The following PPM1L variants were observed in gnomAD, a reference collection of about 807,000 sequenced individuals.
PPM1L encodes the protein protein phosphatase 1L.
In PPM1L, 13 loss-of-function variants were observed where a neutral mutation model predicts 31.4. That is an observed-to-expected ratio of 0.41 (90% confidence interval 0.27 to 0.66). The LOEUF is 0.66. PPM1L is among the 30% of genes least tolerant of loss of function. PPM1L has a pLI of 0.29. For synonymous variants in PPM1L, 184 were observed against 175.4 expected (o/e 1.05, Z -0.39); for missense variants, 326 against 453.7 (o/e 0.72, Z 2.56).
intron 1 of PPM1L, among the ~76,000 whole-genome samples, chr3:160,886,167 A>G (rs1270854212): frequency 1.3e-5 from 2 of 152,042 alleles, no homozygotes; most frequent in Non-Finnish European, 2.9e-5. Flanking sequence ...AGTAACTCCA[A>G]CAACTCCAGC....
At chr3:160,990,531 C>A (rs1717100435) in intron 2 of PPM1L, among the ~76,000 whole-genome samples, 1 of 152,124 alleles carries the variant, frequency 6.6e-6, no homozygotes, top group East Asian at 1.9e-4. Context: ...CACAGATGTA[C>A]AACAGCTGCA....
chr3:160,901,730 C>G (rs1713551448), intron 1 of PPM1L, among the ~76,000 whole-genome samples: 1 of 152,076 alleles, frequency 6.6e-6, no homozygotes, highest in Admixed American at 6.6e-5. Flanking sequence ...GGCAAAATGC[C>G]TTTTGTCATG....
chr3:161,033,816 G>A (rs1354077708), intron 2 of PPM1L, among the ~76,000 whole-genome samples: 1 of 152,072 alleles, frequency 6.6e-6, no homozygotes, highest in Non-Finnish European at 1.5e-5. Context: ...CAAAAGCAAT[G>A]GCAACAAAAG....
chr3:160,900,829 A>G (rs1713514268), intron 1 of PPM1L, among the ~76,000 whole-genome samples: 2 of 152,146 alleles, frequency 1.3e-5, no homozygotes, highest in South Asian at 2.1e-4. Flanking sequence ...AGAAAATGTA[A>G]ATGGGTGAAC....
chr3:161,037,273 C>G (rs1278336701), intron 2 of PPM1L, among the ~76,000 whole-genome samples: 1 of 152,122 alleles, frequency 6.6e-6, no homozygotes, highest in African/African-American at 2.4e-5. Context: ...TCTGGAATCA[C>G]ATGCTCAGGG....
chr3:160,919,952 C>T (rs1462323662), intron 1 of PPM1L, among the ~76,000 whole-genome samples: 1 of 152,100 alleles, frequency 6.6e-6, no homozygotes, highest in Non-Finnish European at 1.5e-5. Flanking sequence ...CCCCAGCTTT[C>T]TCCCCACAAT....
In PPM1L at chr3:160,943,973, A is replaced by G. The variant is rs556642340; in HGVS notation, c.400-17763A>G. The stretch of plus-strand genomic sequence containing the variant: ...TATATTGTAGATGGCAAAGTTTATA[A>G]TTTTTCTCATCTCTTTCCATAATGC... On this transcript the variant is annotated intron_variant, in intron 1 of 3. Coordinates refer to ENST00000498165, the MANE Select transcript of PPM1L (RefSeq NM_139245.4). Among the ~76,000 whole-genome samples, 16 of 152,206 alleles carry G rather than the reference A, an allele frequency of 1.1e-4. No individual in the cohort carries two copies. In the South Asian group the frequency reaches 2.1e-3, roughly 20 times the overall value.
chr3:160,759,936 A>G (rs1367754028), intron 1 of PPM1L, among the ~76,000 whole-genome samples: 1 of 152,172 alleles, frequency 6.6e-6, no homozygotes, highest in Non-Finnish European at 1.5e-5. Flanking sequence ...GTTGTATTAT[A>G]CCCTGTCTAG....
At chr3:160,842,108 T>C (rs1713899672) in intron 1 of PPM1L, 1 of 595,046 alleles carries the variant, frequency 1.7e-6, no homozygotes, top group Non-Finnish European at 3.0e-6. Context: ...GAATATTACA[T>C]AACCAATACA....
At chr3:160,824,336 C>A (rs1040099492) in intron 1 of PPM1L, among the ~76,000 whole-genome samples, 1 of 152,142 alleles carries the variant, frequency 6.6e-6, no homozygotes, top group African/African-American at 2.4e-5. Context: ...TATGAGAAAT[C>A]AATTTCTGTT....
At chr3:160,958,200 G>A (rs555896214) in intron 1 of PPM1L, among the ~76,000 whole-genome samples, 1 of 152,194 alleles carries the variant, frequency 6.6e-6, no homozygotes, top group East Asian at 1.9e-4. Flanking sequence ...TTTTGCAATT[G>A]CTTTTGGTGT....
At chr3:160,958,525 T>G (rs1401472396) in intron 1 of PPM1L, among the ~76,000 whole-genome samples, 2 of 152,204 alleles carry the variant, frequency 1.3e-5, no homozygotes, top group African/African-American at 4.8e-5. Flanking sequence ...CAAGGTAGTG[T>G]GAGTTTAAAA....
chr3:160,929,517 C>G (rs1185624536), intron 1 of PPM1L, among the ~76,000 whole-genome samples: 1 of 152,180 alleles, frequency 6.6e-6, no homozygotes, highest in Non-Finnish European at 1.5e-5. Flanking sequence ...CAGGAAAGTG[C>G]TTACTTGGCT....
At chr3:160,922,715 A>C (rs1714456303) in intron 1 of PPM1L, among the ~76,000 whole-genome samples, 1 of 152,246 alleles carries the variant, frequency 6.6e-6, no homozygotes, top group East Asian at 1.9e-4. Context: ...TTCCCACAGC[A>C]GTGAAAAGTA....
At chr3:160,895,728 C>T (rs982715431) in intron 1 of PPM1L, among the ~76,000 whole-genome samples, 6 of 152,092 alleles carry the variant, frequency 3.9e-5, no homozygotes, top group Admixed American at 3.3e-4. Flanking sequence ...TCACCTCAAA[C>T]CCCCAATATC....
chr3:160,936,686 G>T (rs6806729), intron 1 of PPM1L, among the ~76,000 whole-genome samples: 7,208 of 152,226 alleles, frequency 0.047, 424 homozygotes, highest in African/African-American at 0.12. Context: ...TAAAACAGTT[G>T]TGAGATTTTG....
chr3:161,048,868 G>C (rs1394235390), intron 2 of PPM1L, among the ~76,000 whole-genome samples: 2 of 143,618 alleles, frequency 1.4e-5, no homozygotes, highest in Non-Finnish European at 3.0e-5. Context: ...CTTATAAGTG[G>C]GAATTGAACA....
In PPM1L at chr3:160,952,272, C is replaced by G. The variant is rs142268791; in HGVS notation, c.400-9464C>G. Among the ~76,000 whole-genome samples the G allele has an allele frequency of 1.8e-3, 269 of 152,250 alleles. 1 individual carries two copies. Among genetic ancestry groups the G allele is most frequent in the Middle Eastern group, 6.8e-3 (2 of 294 alleles). ...CTGTCAAAAGTTAATGATATGTTAC[C>G]GTAAGAAAGATGGATTCCAAGGTGA... On this transcript the variant is annotated intron_variant, in intron 1 of 3. Transcript: ENST00000498165.
chr3:160,841,730 C>T (rs79422870), intron 1 of PPM1L, among the ~76,000 whole-genome samples: 4,860 of 152,214 alleles, frequency 0.032, 243 homozygotes, highest in African/African-American at 0.11. Flanking sequence ...AACTTTGTCT[C>T]CAGTAGTTAC....
Sources: allele counts gnomAD v4.1 joint callset (sites outside exome capture counted in the v4.1 genomes callset), GRCh38; gene constraint gnomAD v4.1.1; transcripts MANE v1.5; gene names NCBI Gene and HGNC (gene_info 2026-07-23, HGNC 2026-07-21).